The following TTC29 variants were observed in gnomAD, a reference collection of about 807,000 sequenced individuals.
TTC29 encodes tetratricopeptide repeat domain 29.
Under a neutral mutation model 58.1 loss-of-function variants are expected in TTC29, and 49 were observed. The ratio of observed to expected loss-of-function variants is 0.84; its 90% CI spans 0.67 to 1.07. The LOEUF (loss-of-function observed/expected upper bound fraction) is 1.07. Ranked by LOEUF, TTC29 falls within the 50% of genes least tolerant of loss-of-function variation. TTC29 has a pLI of 0.00. For missense variants in TTC29, 582 were observed against 555.6 expected (o/e 1.05, Z -0.48); for synonymous variants, 209 against 196.8 (o/e 1.06, Z -0.52).
intron 11 of TTC29, among the ~76,000 whole-genome samples, chr4:146,737,886 C>G (rs572473123): frequency 4.8e-4 from 73 of 152,246 alleles, no homozygotes; most frequent in African/African-American, 1.7e-3. Context: ...GCTGTGATGA[C>G]AAGTGCTGGA....
intron 4 of TTC29, among the ~76,000 whole-genome samples, chr4:146,913,234 A>G (rs1734011118): frequency 6.6e-6 from 1 of 152,268 alleles, no homozygotes; most frequent in South Asian, 2.1e-4. Flanking sequence ...AGAAAATTAT[A>G]AATAGATAAA....
chr4:146,786,617 C>T (rs952764950), intron 11 of TTC29, among the ~76,000 whole-genome samples: 1 of 152,154 alleles, frequency 6.6e-6, no homozygotes, highest in African/African-American at 2.4e-5. Flanking sequence ...ACAACTCTTT[C>T]CTAGTTATTT....
At chr4:146,759,664 A>T (rs1473508804) in intron 11 of TTC29, among the ~76,000 whole-genome samples, 2 of 152,166 alleles carry the variant, frequency 1.3e-5, no homozygotes, top group Non-Finnish European at 2.9e-5. Flanking sequence ...ACACCACACA[A>T]ACAGAATTAA....
intron 8 of TTC29, among the ~76,000 whole-genome samples, chr4:146,856,184 T>G (rs1729841906): frequency 6.6e-6 from 1 of 152,328 alleles, no homozygotes; most frequent in Admixed American, 6.5e-5. Flanking sequence ...ATAAAAAATT[T>G]TATCCTTTCC....
chr4:146,819,495 C>A (rs1469604346), intron 10 of TTC29, among the ~76,000 whole-genome samples: 1 of 152,126 alleles, frequency 6.6e-6, no homozygotes, highest in Non-Finnish European at 1.5e-5. Flanking sequence ...AAAGGAGAAT[C>A]GGTAATAAAA....
chr4:146,932,918 C>T (rs1452455926), intron 4 of TTC29, among the ~76,000 whole-genome samples: 3 of 151,918 alleles, frequency 2.0e-5, no homozygotes, highest in South Asian at 2.1e-4. Context: ...ATTAGCCAGG[C>T]GTGGTGGCGG....
At chr4:146,775,707 G>A (rs1274598700) in intron 11 of TTC29, among the ~76,000 whole-genome samples, 1 of 151,822 alleles carries the variant, frequency 6.6e-6, no homozygotes, top group African/African-American at 2.4e-5. Flanking sequence ...TTTTGACCTT[G>A]GAAAATCTGA....
intron 6 of TTC29, among the ~76,000 whole-genome samples, chr4:146,888,085 G>A (rs1366336909): frequency 1.3e-5 from 2 of 152,232 alleles, no homozygotes; most frequent in East Asian, 1.9e-4. Context: ...CTCTGTATGT[G>A]TTTAATGTTC....
chr4:146,910,543 A>G (rs74956770), intron 4 of TTC29, among the ~76,000 whole-genome samples: 1 of 152,090 alleles, frequency 6.6e-6, no homozygotes, highest in South Asian at 2.1e-4. Flanking sequence ...TTAGAAAAAA[A>G]GGCAGGGACC....
Position 146,833,840 on chromosome 4 carries a change from T to TC in TTC29, c.942dup (p.Arg315GlufsTer4). ...ACCTTGGCTATGGCTTCATAGCCTC[T>TC]CCCCAGACTGAGATCATCATCCAGG... On this transcript the variant is annotated frameshift_variant, in exon 9 of 13. Transcript: ENST00000325106. LOFTEE classifies it high-confidence loss of function. 6.2e-7 allele frequency: 1 copy of TC among 1,613,358 alleles called. No individual in the cohort carries two copies. The highest frequency in any genetic ancestry group is 8.5e-7 in the Non-Finnish European group (1 of 1,179,492).
At chr4:146,864,940 A>G (rs1730472269) in intron 8 of TTC29, among the ~76,000 whole-genome samples, 1 of 151,700 alleles carries the variant, frequency 6.6e-6, no homozygotes, top group South Asian at 2.1e-4. Context: ...AAGGGGAGTA[A>G]CATTTAACTC....
intron 2 of TTC29, among the ~76,000 whole-genome samples, chr4:146,943,504 T>C (rs1214437115): frequency 1.3e-5 from 2 of 152,132 alleles, no homozygotes; most frequent in Non-Finnish European, 2.9e-5. Context: ...AGAGTCAGGA[T>C]GGAAGTTGAA....
intron 8 of TTC29, among the ~76,000 whole-genome samples, chr4:146,858,143 C>T (rs1407973379): frequency 1.3e-5 from 2 of 152,142 alleles, no homozygotes; most frequent in African/African-American, 2.4e-5. Context: ...TGTAAACACA[C>T]ATTTTTAAAT....
At chr4:146,809,595 G>A (rs1375269477) in intron 10 of TTC29, among the ~76,000 whole-genome samples, 1 of 149,686 alleles carries the variant, frequency 6.7e-6, no homozygotes, top group African/African-American at 2.5e-5. Flanking sequence ...ATCAAAAAGT[G>A]GGCAAAGGAT....
At chr4:146,842,741 A>T (rs1338387422) in intron 8 of TTC29, among the ~76,000 whole-genome samples, 1 of 152,148 alleles carries the variant, frequency 6.6e-6, no homozygotes, top group African/African-American at 2.4e-5. Flanking sequence ...CAAAATCCAA[A>T]TTGTGTCATT....
At chr4:146,797,418 T>C (rs1287234728) in intron 11 of TTC29, among the ~76,000 whole-genome samples, 1 of 152,236 alleles carries the variant, frequency 6.6e-6, no homozygotes, top group Non-Finnish European at 1.5e-5. Flanking sequence ...CTGTAACATT[T>C]CTTGTACTGA....
At chr4:146,804,764 C>T (rs1384152244) in intron 10 of TTC29, among the ~76,000 whole-genome samples, 2 of 152,056 alleles carry the variant, frequency 1.3e-5, no homozygotes, top group South Asian at 4.1e-4. Context: ...ACTCCCATCT[C>T]CCTGGGACAC....
At chr4:146,747,963 C>T (rs946250758) in intron 11 of TTC29, among the ~76,000 whole-genome samples, 12 of 152,184 alleles carry the variant, frequency 7.9e-5, no homozygotes, top group Non-Finnish European at 1.8e-4. Context: ...GTTCCCCACC[C>T]GCTGGAGCCC....
At chr4:146,707,685 G>A (rs1319606841) in intron 11 of TTC29, 134 bp from the exon 12 acceptor site, 2 of 589,086 alleles carry the variant, frequency 3.4e-6, no homozygotes, top group Non-Finnish European at 6.0e-6. Flanking sequence ...TGTATCACCA[G>A]GGCAGATTGT....
Sources: gnomAD v4.1 joint callset for allele counts (sites outside exome capture counted in the v4.1 genomes callset) on GRCh38, gnomAD v4.1.1 for gene constraint, MANE v1.5 for transcripts, NCBI Gene and HGNC (gene_info 2026-07-23, HGNC 2026-07-21) for gene names.